The following MYO16 variants were observed in gnomAD, a reference collection of about 807,000 sequenced individuals.
The protein encoded by MYO16 is myosin XVI.
MYO16 carries 94 observed loss-of-function variants against 205.3 expected under a neutral mutation model. That is an observed-to-expected ratio of 0.46 (90% confidence interval 0.39 to 0.54). MYO16 has a LOEUF of 0.54. Ranked by LOEUF, MYO16 falls within the 20% of genes least tolerant of loss-of-function variation. The pLI, the probability that MYO16 is intolerant of heterozygous loss-of-function variation, is 0.00. For missense variants in MYO16, 2,315 were observed against 2,387.5 expected, an observed-to-expected ratio of 0.97 and a Z score of 0.63; for synonymous variants, 988 against 954.0, an observed-to-expected ratio of 1.04 and a Z score of -0.66.
At chr13:108,825,069 C>T (rs2139025763) in intron 9 of MYO16, among the ~76,000 whole-genome samples, 1 of 152,078 alleles carries the variant, frequency 6.6e-6, no homozygotes, top group African/African-American at 2.4e-5. Context: ...GTCAGAATTA[C>T]CCGGATACAA....
intron 7 of MYO16, among the ~76,000 whole-genome samples, chr13:108,817,127 T>C (rs1368323217): frequency 6.6e-6 from 1 of 152,224 alleles, no homozygotes; most frequent in East Asian, 1.9e-4. Flanking sequence ...TGGTAAACTT[T>C]TCTGGCAATT....
intron 1 of MYO16, among the ~76,000 whole-genome samples, chr13:108,610,641 C>G (rs1026219119): frequency 7.2e-5 from 11 of 152,294 alleles, no homozygotes; most frequent in African/African-American, 2.2e-4. Context: ...GCCACATTCA[C>G]GCTGCCATTT....
intron 2 of MYO16, among the ~76,000 whole-genome samples, chr13:108,704,238 TG>T (rs1162093728): frequency 6.6e-6 from 1 of 152,120 alleles, no homozygotes; most frequent in East Asian, 1.9e-4. Context: ...TATCAAAAAA[TG>T]AATCACAATA....
chr13:108,581,900 A>G, the MYO16 span, among the ~76,000 whole-genome samples: 226 of 151,812 alleles, frequency 1.5e-3, no homozygotes, highest in African/African-American at 5.3e-3. Flanking sequence ...AAAGAAAAAA[A>G]AAAAAGAAAA....
chr13:108,707,555 C>G (rs1883559440), intron 2 of MYO16, among the ~76,000 whole-genome samples: 1 of 152,114 alleles, frequency 6.6e-6, no homozygotes, highest in African/African-American at 2.4e-5. Flanking sequence ...TATTCCGGAT[C>G]CATGTAAGGG....
the MYO16 span, among the ~76,000 whole-genome samples, chr13:108,519,548 A>G: frequency 6.6e-6 from 1 of 152,044 alleles, no homozygotes; most frequent in Non-Finnish European, 1.5e-5. Flanking sequence ...TTGTATAGAT[A>G]TCATACATAA....
the MYO16 span, among the ~76,000 whole-genome samples, chr13:108,543,765 C>T: frequency 7.8e-6 from 1 of 127,930 alleles, no homozygotes; most frequent in African/African-American, 3.0e-5. Context: ...TTTAATCACA[C>T]ACTTAAAGAG....
intron 2 of MYO16, among the ~76,000 whole-genome samples, chr13:108,692,822 C>G (rs1160399196): frequency 1.3e-5 from 2 of 152,156 alleles, no homozygotes; most frequent in Non-Finnish European, 2.9e-5. Context: ...GAGCATGTGA[C>G]TTATCTGACT....
chr13:108,957,570 A>T (rs1428667544), intron 16 of MYO16, 118 bp from the exon 17 acceptor site: 2 of 640,872 alleles, frequency 3.1e-6, no homozygotes, highest in Non-Finnish European at 5.7e-6. Flanking sequence ...ACACGTGGGG[A>T]CACCATGTCC....
intron 2 of MYO16, among the ~76,000 whole-genome samples, chr13:108,689,256 AT>A (rs1260580110): frequency 6.6e-6 from 1 of 152,054 alleles, no homozygotes. Context: ...GAATTTTCCA[AT>A]TTTTTAATAT....
chr13:109,153,081 G>A (rs1318680912), intron 32 of MYO16, among the ~76,000 whole-genome samples: 3 of 152,068 alleles, frequency 2.0e-5, no homozygotes, highest in African/African-American at 7.2e-5. Flanking sequence ...CACAAAACAC[G>A]ACGTATCCAT....
intron 1 of MYO16, among the ~76,000 whole-genome samples, chr13:108,606,841 G>T (rs1239151107): frequency 6.6e-6 from 1 of 152,196 alleles, no homozygotes; most frequent in East Asian, 1.9e-4. Context: ...AAAGCAGGGA[G>T]TGGAAGGGGT....
At chr13:108,547,460 T>C in the MYO16 span, among the ~76,000 whole-genome samples, 2 of 152,090 alleles carry the variant, frequency 1.3e-5, no homozygotes, top group Admixed American at 1.3e-4. Flanking sequence ...TCATGGCTGA[T>C]TTCAAGCTAC....
At chr13:108,598,234 C>A (rs376218014) in intron 1 of MYO16, among the ~76,000 whole-genome samples, 8 of 152,120 alleles carry the variant, frequency 5.3e-5, no homozygotes, top group Admixed American at 2.0e-4. Flanking sequence ...AATCTGATTC[C>A]GGCCTTCAAG....
chr13:108,646,160 G>T (rs1342918462), intron 1 of MYO16, among the ~76,000 whole-genome samples: 2 of 152,172 alleles, frequency 1.3e-5, no homozygotes, highest in Non-Finnish European at 2.9e-5. Context: ...TAAGAAAAAG[G>T]AGGGCTTTTC....
At chr13:108,778,575 C>T (rs9521040) in intron 4 of MYO16, among the ~76,000 whole-genome samples, 51,438 of 151,816 alleles carry the variant, frequency 0.34, 9,880 homozygotes, top group East Asian at 0.63. Context: ...GCCAAGATCG[C>T]GCCACTGCAC....
At chr13:108,827,694 C>A (rs367600382) in intron 9 of MYO16, among the ~76,000 whole-genome samples, 70 of 152,260 alleles carry the variant, frequency 4.6e-4, no homozygotes, top group African/African-American at 1.7e-3. Context: ...TACTTGACTG[C>A]TCTTCACTCT....
At chr13:108,672,915 T>C (rs1303102086) in intron 2 of MYO16, among the ~76,000 whole-genome samples, 1 of 151,894 alleles carries the variant, frequency 6.6e-6, no homozygotes. Flanking sequence ...CACAATGTGT[T>C]TCCATTAAAA....
chr13:108,622,698 G>A (rs1879590703), intron 1 of MYO16, among the ~76,000 whole-genome samples: 1 of 151,926 alleles, frequency 6.6e-6, no homozygotes, highest in African/African-American at 2.4e-5. Flanking sequence ...GGATGGACGA[G>A]AGGAAGAGGA....
Sources: allele counts gnomAD v4.1 joint callset (sites outside exome capture counted in the v4.1 genomes callset), GRCh38; gene constraint gnomAD v4.1.1; transcripts MANE v1.5; gene names NCBI Gene and HGNC (gene_info 2026-07-23, HGNC 2026-07-21).